The following UBN1 variants were observed in gnomAD, a reference collection of about 807,000 sequenced individuals.
UBN1 encodes ubinuclein 1, also known as ubinuclein-1.
A neutral mutation model predicts 108.5 loss-of-function variants in UBN1; 17 were observed. The observed-to-expected ratio is 0.16, with a 90% CI of 0.11 to 0.24. The LOEUF is 0.24. UBN1 is among the 10% of genes least tolerant of loss of function. The pLI is 1.00. For missense variants in UBN1, 1,595 were observed against 1,394.4 expected (o/e 1.14, Z -2.29); for synonymous variants, 726 against 564.2 (o/e 1.29, Z -4.07).
rs756300397 is a variant in UBN1, at chr16:4,870,503, C to T, written c.1312-13C>T. The T allele has an allele frequency of 1.2e-6, 2 of 1,614,050 alleles. No homozygotes were observed. The highest frequency in any genetic ancestry group is 1.3e-5 in the African/African-American group (1 of 75,048). Reference sequence around the variant, plus strand: ...GTGTAAACCTGCCTTGAATTGTGTCCCGCTCTTCGCAGGGGGGCCGTCTGA... The same window carrying T: ...GTGTAAACCTGCCTTGAATTGTGTCTCGCTCTTCGCAGGGGGGCCGTCTGA... On this transcript the variant is annotated splice_polypyrimidine_tract_variant and intron_variant, in intron 9 of 17. Coordinates refer to ENST00000262376, the MANE Select transcript of UBN1 (RefSeq NM_001079514.3).
Position 4,870,831 on chromosome 16 carries a change from A to T in UBN1, c.1431-13A>T, listed in dbSNP as rs59219971. ...GCACCTTGGGGCCCCATGTAATTCT[A>T]TTCACCCCGTAGGATGCTGGAAGAG... On this transcript the variant is annotated splice_polypyrimidine_tract_variant and intron_variant, in intron 10 of 17. Coordinates refer to ENST00000262376, the MANE Select transcript of UBN1 (RefSeq NM_001079514.3). 4 of 1,613,002 alleles carry T rather than the reference A, an allele frequency of 2.5e-6. No homozygotes were observed. The South Asian group carries it at 3.3e-5, about 13-fold the overall frequency.
intron 7 of UBN1, 42 bp downstream of exon 7, chr16:4,861,144 TG>T: frequency 6.4e-7 from 1 of 1,567,152 alleles, no homozygotes; most frequent in South Asian, 1.2e-5. Flanking sequence ...GGAAGCAGTT[TG>T]GGCAGATTGC....
rs116123813 is a variant in UBN1 at position 4,863,686 on chromosome 16, T to C, written c.1110+2584T>C. On this transcript the variant is annotated intron_variant, in intron 7 of 17. Coordinates refer to ENST00000262376, the MANE Select transcript of UBN1 (RefSeq NM_001079514.3). Reference sequence around the variant, plus strand: ...TGGCCCTAGGTGACACACAAATCAGTTTCTATCACTGTCTGCAAAACACCC... The same window carrying C: ...TGGCCCTAGGTGACACACAAATCAGCTTCTATCACTGTCTGCAAAACACCC... 4.9e-3 allele frequency among the ~76,000 whole-genome samples: 750 copies of C among 152,258 alleles called. 1 individual carries two copies. The highest frequency in any genetic ancestry group is 0.017 in the African/African-American group (717 of 41,538).
chr16:4,871,125 T>C (rs1366735694), intron 11 of UBN1, 30 bp from the exon 12 acceptor site: 1 of 1,612,996 alleles, frequency 6.2e-7, no homozygotes, highest in African/African-American at 1.3e-5. Flanking sequence ...TGAAGTAGTT[T>C]GGAGTTTCTG....
chr16:4,851,588 G>A (rs2086560472), intron 1 of UBN1, among the ~76,000 whole-genome samples: 1 of 152,180 alleles, frequency 6.6e-6, no homozygotes. Flanking sequence ...AATTTCCTTG[G>A]AAGGAGGGTC....
chr16:4,859,883 G>A lies in UBN1; in HGVS notation c.586G>A (p.Gly196Ser). 6.2e-7 allele frequency: 1 copy of A among 1,614,072 alleles called. No homozygotes were observed. Among genetic ancestry groups the A allele is most frequent in the Non-Finnish European group, 8.5e-7 (1 of 1,179,974 alleles). ...KSPKKRKLKE[G>S]GEKIKKKKKD... is the part of the protein sequence containing the mutation. ...TTCTCAGAAGCGGAAGTTGAAGGAAGGTGGTGAGAAGATAAAGAAGAAGAA... is the reference window on the plus strand; with the variant it reads ...TTCTCAGAAGCGGAAGTTGAAGGAAAGTGGTGAGAAGATAAAGAAGAAGAA... The change falls in exon 6 of 18, where the codon GGT (glycine) becomes AGT (serine). Residue 196 changes from glycine to serine, a missense_variant. Transcript: ENST00000262376.
chr16:4,857,931 A>G (rs1025013441), intron 2 of UBN1, 59 bp from the exon 3 acceptor site: 15 of 1,313,964 alleles, frequency 1.1e-5, no homozygotes, highest in Admixed American at 1.0e-4. Flanking sequence ...TGAAGTTTCT[A>G]TGAATAAGAA....
intron 2 of UBN1, among the ~76,000 whole-genome samples, chr16:4,857,359 A>AG (rs2086865113): frequency 6.7e-6 from 1 of 149,664 alleles, no homozygotes; most frequent in South Asian, 2.1e-4. Context: ...CTCAAAAAAA[A>AG]AAAAAAAAAA....
At chr16:4,864,707 A>G (rs1039668754) in intron 7 of UBN1, among the ~76,000 whole-genome samples, 1 of 152,130 alleles carries the variant, frequency 6.6e-6, no homozygotes, top group South Asian at 2.1e-4. Context: ...ACCCAGATCT[A>G]TTTTGGTTCT....
At chr16:4,878,295 G>A (rs950468870) in intron 17 of UBN1, among the ~76,000 whole-genome samples, 1 of 152,104 alleles carries the variant, frequency 6.6e-6, no homozygotes, top group African/African-American at 2.4e-5. Context: ...CTGTAGACCC[G>A]CTTCAGACAT....
intron 7 of UBN1, among the ~76,000 whole-genome samples, chr16:4,862,982 C>T (rs2087141146): frequency 6.6e-6 from 1 of 152,214 alleles, no homozygotes; most frequent in Admixed American, 6.5e-5. Context: ...TTGGAAAATA[C>T]AGTATTCAAG....
chr16:4,861,515 A>G (rs892452485), intron 7 of UBN1, among the ~76,000 whole-genome samples: 1 of 152,278 alleles, frequency 6.6e-6, no homozygotes, highest in Admixed American at 6.5e-5. Context: ...CACGTAGAGT[A>G]GATGCTTCGT....
At chr16:4,860,467 C>A (rs1287086560) in intron 6 of UBN1, among the ~76,000 whole-genome samples, 197 bp from the exon 7 acceptor site, 1 of 152,200 alleles carries the variant, frequency 6.6e-6, no homozygotes, top group Admixed American at 6.5e-5. Flanking sequence ...CACTGTGTTG[C>A]TAACCTGTAT....
chr16:4,859,223 G>C, intron 5 of UBN1, 64 bp downstream of exon 5: 1 of 1,575,206 alleles, frequency 6.3e-7, no homozygotes, highest in Non-Finnish European at 8.6e-7. Flanking sequence ...CAGATCAGTA[G>C]GTGACTTGCC....
chr16:4,872,706 TGATC>T (rs2087706787), intron 12 of UBN1, among the ~76,000 whole-genome samples, 174 bp from the exon 13 acceptor site: 1 of 152,056 alleles, frequency 6.6e-6, no homozygotes, highest in African/African-American at 2.4e-5. Flanking sequence ...TGACCTCAGG[TGATC>T]CACCTGCCTT....
Position 4,873,045 on chromosome 16 carries a change from T to C in UBN1, c.1772T>C (p.Val591Ala). The change falls in exon 14 of 18, where the codon GTT (valine) becomes GCT (alanine). Residue 591 changes from valine (V) to alanine (A), a missense_variant. This residue lies in a region of UBN1 where 1,398 missense variants were observed against 1,194.7 expected (regional missense o/e 1.17). Coordinates refer to ENST00000262376, the MANE Select transcript of UBN1 (RefSeq NM_001079514.3). ...HLTSILAKKKVMAPSKIKVKE... is the reference protein window; with the variant it reads ...HLTSILAKKKAMAPSKIKVKE... ...CCTTTGAACAGGGCCAAGAAGAAAGTTATGGCCCCTTCTAAAATCAAGGTG... is the reference window on the plus strand; with the variant it reads ...CCTTTGAACAGGGCCAAGAAGAAAGCTATGGCCCCTTCTAAAATCAAGGTG... 6.2e-7 allele frequency: 1 copy of C among 1,614,190 alleles called. No homozygotes were observed. Among genetic ancestry groups the C allele is most frequent in the Non-Finnish European group, 8.5e-7 (1 of 1,180,034 alleles).
At position 4,867,547 on chromosome 16, in the gene UBN1, C is replaced by T. The variant is rs1227566006; in HGVS notation, c.1111-1286C>T. On this transcript the variant is annotated intron_variant, in intron 7 of 17. Coordinates refer to ENST00000262376, the MANE Select transcript of UBN1 (RefSeq NM_001079514.3). ...TCAGAGATAACTGGAAATTCTGGTC[C>T]AGAGCTTAGATGAGAGGATTTAGGG... Among the ~76,000 whole-genome samples the T allele has an allele frequency of 3.9e-5, 6 of 152,092 alleles. No individual in the cohort carries two copies. The East Asian group carries it at 1.2e-3, about 29-fold the overall frequency.
intron 17 of UBN1, 143 bp from the exon 18 acceptor site, chr16:4,879,940 C>T (rs1252135511): frequency 9.5e-6 from 8 of 846,414 alleles, no homozygotes; most frequent in Non-Finnish European, 1.6e-5. Context: ...GCTGGTGTCT[C>T]ATGGCTTGTT....
rs139653645 is a variant in UBN1, at chr16:4,865,492, G to A, written c.1111-3341G>A. Among the ~76,000 whole-genome samples the A allele has an allele frequency of 1.9e-3, 286 of 152,058 alleles. 1 individual carries two copies. The highest frequency in any genetic ancestry group is 6.6e-3 in the African/African-American group (272 of 41,462). ...GCCCAGGAGTTCCAGACCAGCCTGG[G>A]TAACAGAGTGAGAAAAAAAAATCTA... On this transcript the variant is annotated intron_variant, in intron 7 of 17. Coordinates refer to ENST00000262376, the MANE Select transcript of UBN1 (RefSeq NM_001079514.3).
Sources: gnomAD v4.1 joint callset for allele counts (sites outside exome capture counted in the v4.1 genomes callset) on GRCh38, gnomAD v4.1.1 for gene constraint, gnomAD v4.1.1 regional missense constraint, MANE v1.5 for transcripts, NCBI Gene and HGNC (gene_info 2026-07-23, HGNC 2026-07-21) for gene names.